The following STX7 variants were observed in gnomAD, a reference collection of about 807,000 sequenced individuals.
STX7 encodes the protein syntaxin 7, also known as syntaxin-7.
STX7 carries 34 observed loss-of-function variants against 39.6 expected under a neutral mutation model. The ratio of observed to expected loss-of-function variants is 0.86; its 90% CI spans 0.65 to 1.14. STX7 has a LOEUF of 1.14. Ranked by LOEUF, STX7 falls within the 50% of genes most tolerant of loss-of-function variation. The probability of loss-of-function intolerance (pLI) is 0.00; values close to 1 mark genes in which losing one functional copy is unlikely to be tolerated. For synonymous variants in STX7, 119 were observed against 99.1 expected, an observed-to-expected ratio of 1.20 and a Z score of -1.19; for missense variants, 284 against 310.4, an observed-to-expected ratio of 0.92 and a Z score of 0.64.
chr6:132,494,106 A>G (rs1775363574), intron 2 of STX7, among the ~76,000 whole-genome samples: 1 of 152,214 alleles, frequency 6.6e-6, no homozygotes, highest in South Asian at 2.1e-4. Flanking sequence ...TTGTGGAGGC[A>G]CCACAAATGG....
intron 1 of STX7, among the ~76,000 whole-genome samples, chr6:132,512,428 T>C (rs1306120484): frequency 6.6e-6 from 1 of 152,104 alleles, no homozygotes; most frequent in African/African-American, 2.4e-5. Context: ...TTTATGTAAA[T>C]TAATTAAAGG....
intron 1 of STX7, among the ~76,000 whole-genome samples, chr6:132,510,792 T>A (rs1009307299): frequency 1.3e-5 from 2 of 152,160 alleles, no homozygotes; most frequent in African/African-American, 4.8e-5. Context: ...AGAATCAAAG[T>A]GCAACACTCA....
Position 132,471,543 on chromosome 6 carries a change from T to C in STX7, c.307A>G (p.Asn103Asp), listed in dbSNP as rs200115851. ...LVAEFTTSLT[N>D]FQKVQRQAAE... ...GCCTGCCTCTGGACCTTCTGGAAGTTTGTCAGTGATGTTGTGAACTCTGCC... is the reference window on the plus strand; with the variant it reads ...GCCTGCCTCTGGACCTTCTGGAAGTCTGTCAGTGATGTTGTGAACTCTGCC... Residue 103 changes from asparagine (N) to aspartate (D), a missense_variant, in exon 5 of 10, where the codon AAC becomes GAC. By Grantham distance (23) the Asn-to-Asp change is conservative. Coordinates refer to ENST00000367941, the MANE Select transcript of STX7 (RefSeq NM_003569.3). 3 of 1,614,042 alleles carry C rather than the reference T, an allele frequency of 1.9e-6. No individual in the cohort carries two copies. Among genetic ancestry groups the C allele is most frequent in the Non-Finnish European group, 2.5e-6 (3 of 1,179,940 alleles).
chr6:132,471,379 T>TA, intron 5 of STX7, 84 bp downstream of exon 5: 1 of 1,437,172 alleles, frequency 7.0e-7, no homozygotes, highest in Non-Finnish European at 9.3e-7. Context: ...CTTTATGACT[T>TA]AAAAAATTAT....
In STX7 at chr6:132,446,847, T is replaced by A. The variant is rs1176544699; in HGVS notation, c.*13911A>T. The A allele has an allele frequency of 6.6e-6, 1 of 152,252 alleles. No homozygotes were observed. The highest frequency in any genetic ancestry group is 2.1e-4 in the South Asian group (1 of 4,820). The allele number at this position is 152,252 out of a possible 1,614,324, so 9.4% of individuals were successfully genotyped here. A position where few individuals can be genotyped will look rare whatever the true frequency, so the allele number is the denominator to read the frequency against. ...ATCTCTGAGGCAAAAAGAATGCTAT[T>A]AGGCTGACTGATTTATGTAAAGCAG... On this transcript the variant is annotated 3_prime_UTR_variant, in exon 10 of 10. Coordinates refer to ENST00000367941, the MANE Select transcript of STX7 (RefSeq NM_003569.3).
At chr6:132,463,321 C>G (rs1429515270) in intron 9 of STX7, among the ~76,000 whole-genome samples, 1 of 152,086 alleles carries the variant, frequency 6.6e-6, no homozygotes. Context: ...TTCCAAAGAG[C>G]CTGGCCTTAT....
chr6:132,462,582 G>GT lies in STX7; in HGVS notation c.693+1410_693+1411insA, dbSNP rs1554246700. ...CCAGAAGACTTCTGGCATTTGCAGG[G>GT]GTGTGTGTGTGTGTGTGTGTGTGTG... On this transcript the variant is annotated intron_variant, in intron 9 of 9. Coordinates refer to ENST00000367941, the MANE Select transcript of STX7 (RefSeq NM_003569.3). 3.6e-3 allele frequency among the ~76,000 whole-genome samples: 518 copies of GT among 144,992 alleles called. 7 individuals carry two copies. Among genetic ancestry groups the GT allele is most frequent in the Non-Finnish European group, 1.4e-3 (94 of 66,212 alleles).
In STX7 at chr6:132,475,680, T is replaced by A. The variant is rs770793472; in HGVS notation, c.86-18A>T. 18 of 1,551,230 alleles carry A rather than the reference T, an allele frequency of 1.2e-5. No individual in the cohort carries two copies. In the South Asian group the frequency reaches 2.2e-4, roughly 19 times the overall value. ...TTCCACAGCTATTATAATAGAAAAT[T>A]CATGTATTAATTGTCACAAAAGTTA... On this transcript the variant is annotated intron_variant, in intron 2 of 9. Transcript: ENST00000367941.
Position 132,460,607 on chromosome 6 carries a change from G to T in STX7, c.*151C>A. 2 of 522,950 alleles carry T rather than the reference G, an allele frequency of 3.8e-6. No homozygotes were observed. Among genetic ancestry groups the T allele is most frequent in the Non-Finnish European group, 6.4e-6 (2 of 312,712 alleles). 32.4% of individuals were successfully genotyped at this position (522,950 alleles called of 1,614,324 possible). A position where few individuals can be genotyped will look rare whatever the true frequency, so the allele number is the denominator to read the frequency against. On this transcript the variant is annotated 3_prime_UTR_variant, in exon 10 of 10. Transcript: ENST00000367941. ...TAGAAAATATCAGATTTAATCCAAA[G>T]GAACCACCCCAACCCCCCCAATAAA... is the stretch of plus-strand genomic sequence containing the variant.
chr6:132,474,227 CAAAAAAA>C lies in STX7; in HGVS notation c.155+1359_155+1365del, dbSNP rs67939950. Among the ~76,000 whole-genome samples the C allele has an allele frequency of 3.3e-4, 23 of 69,914 alleles. No individual in the cohort carries two copies. In the Admixed American group the frequency reaches 4.0e-3, roughly 12 times the overall value. The allele number at this position is 69,914 out of a possible 152,430, so 45.9% of individuals were successfully genotyped here. On this transcript the variant is annotated intron_variant, in intron 3 of 9. Coordinates refer to ENST00000367941, the MANE Select transcript of STX7 (RefSeq NM_003569.3). ...TGGGTGACAGCATGAGATCCTGTCT[CAAAAAAA>C]AAAAAAAAAAAAAAAAATCCTTAGT... is the stretch of plus-strand genomic sequence containing the variant.
chr6:132,474,640 G>C (rs1476426308), intron 3 of STX7, among the ~76,000 whole-genome samples: 1 of 151,966 alleles, frequency 6.6e-6, no homozygotes, highest in Non-Finnish European at 1.5e-5. Flanking sequence ...AAATGACATT[G>C]GGTAACTCGT....
At chr6:132,504,021 T>C (rs1775640612) in intron 1 of STX7, among the ~76,000 whole-genome samples, 1 of 152,224 alleles carries the variant, frequency 6.6e-6, no homozygotes, top group South Asian at 2.1e-4. Context: ...ATTTATTAAA[T>C]GGAACACAGA....
intron 2 of STX7, among the ~76,000 whole-genome samples, chr6:132,485,179 C>G (rs1477225893): frequency 6.6e-6 from 1 of 152,186 alleles, no homozygotes; most frequent in African/African-American, 2.4e-5. Flanking sequence ...CTCCCTCCTG[C>G]ATATCTGTTC....
In STX7 at chr6:132,468,042, T is replaced by C. The variant is rs1774608384; in HGVS notation, c.610+361A>G. On this transcript the variant is annotated intron_variant, in intron 8 of 9. Transcript: ENST00000367941. ...ATGCACAGTTACATATACCACAAGT[T>C]TCCCCAAAAGTGCTTAGCATGATGA... 2.0e-5 allele frequency among the ~76,000 whole-genome samples: 3 copies of C among 152,150 alleles called. No homozygotes were observed. The South Asian group carries it at 6.2e-4, about 32-fold the overall frequency.
rs779517620 is a variant in STX7 at position 132,472,314 on chromosome 6, A to T, written c.217T>A (p.Phe73Ile). The change falls in exon 4 of 10, where the codon TTT becomes ATT. Residue 73 changes from phenylalanine (F) to isoleucine (I), a missense_variant. By Grantham distance (21) the Phe-to-Ile change is conservative. Transcript: ENST00000367941. ...AKETDKYIKE[F>I]GSLPTTPSEQ... ...CTGGGGGTGGTGGGCAGAGATCCAAACTCTTTAATGTACTTATCTGTTTCT... is the reference window on the plus strand; with the variant it reads ...CTGGGGGTGGTGGGCAGAGATCCAATCTCTTTAATGTACTTATCTGTTTCT... 3.1e-6 allele frequency: 5 copies of T among 1,613,312 alleles called. No individual in the cohort carries two copies. The African/African-American group carries it at 5.3e-5, about 17-fold the overall frequency.
Position 132,447,647 on chromosome 6 carries a change from G to C in STX7, c.*13111C>G, listed in dbSNP as rs1774043116. On this transcript the variant is annotated 3_prime_UTR_variant, in exon 10 of 10. Coordinates refer to ENST00000367941, the MANE Select transcript of STX7 (RefSeq NM_003569.3). ...TTCAGTTGAAATTTTTATTATTTTTGAGAGTCTCCTTATCCTTATTAATGC... is the reference window on the plus strand; with the variant it reads ...TTCAGTTGAAATTTTTATTATTTTTCAGAGTCTCCTTATCCTTATTAATGC... The C allele has an allele frequency of 6.6e-6, 1 of 151,692 alleles. No homozygotes were observed. Among genetic ancestry groups the C allele is most frequent in the African/African-American group, 2.4e-5 (1 of 41,294 alleles). The allele number at this position is 151,692 out of a possible 1,614,324, so 9.4% of individuals were successfully genotyped here.
chr6:132,471,889 C>G (rs560685446), intron 4 of STX7, among the ~76,000 whole-genome samples: 2 of 152,230 alleles, frequency 1.3e-5, no homozygotes, highest in Admixed American at 1.3e-4. Context: ...GCAAATAAAG[C>G]CTTATACTTT....
intron 9 of STX7, chr6:132,461,867 A>G (rs1051106999): frequency 6.5e-6 from 10 of 1,539,082 alleles, no homozygotes; most frequent in Admixed American, 2.0e-5. Context: ...TTTTCTTACA[A>G]AGTAGAAAAA....
intron 7 of STX7, among the ~76,000 whole-genome samples, chr6:132,469,114 T>C (rs768938707): frequency 9.9e-4 from 151 of 152,350 alleles, no homozygotes; most frequent in Non-Finnish European, 1.1e-3. Flanking sequence ...GCCTGGCACA[T>C]GGAAGGTCTT....
Sources: gnomAD v4.1 joint callset for allele counts (sites outside exome capture counted in the v4.1 genomes callset) on GRCh38, gnomAD v4.1.1 for gene constraint, MANE v1.5 for transcripts, NCBI Gene and HGNC (gene_info 2026-07-23, HGNC 2026-07-21) for gene names.